The following CLMP variants were observed in gnomAD, a reference collection of about 807,000 sequenced individuals.
CLMP encodes the protein CXADR-like membrane protein.
A neutral mutation model predicts 45.2 loss-of-function variants in CLMP; 27 were observed. The observed-to-expected ratio is 0.60, with a 90% CI of 0.44 to 0.82. The LOEUF (loss-of-function observed/expected upper bound fraction) is 0.82. Among genes scored for constraint, CLMP ranks in the 40% least tolerant of loss-of-function variants. The pLI, the probability that CLMP is intolerant of heterozygous loss-of-function variation, is 0.00. For synonymous variants in CLMP, 167 were observed against 171.4 expected (o/e 0.97, Z 0.20); for missense variants, 403 against 448.4 (o/e 0.90, Z 0.91).
rs1163404252 is a variant in CLMP at position 123,136,231 on chromosome 11, G to C, written c.29-38279C>G. The C allele has an allele frequency of 1.5e-5, 10 of 649,528 alleles. No individual in the cohort carries two copies. In the African/African-American group the frequency reaches 1.8e-4, roughly 12 times the overall value. The allele number at this position is 649,528 out of a possible 1,614,324, so 40.2% of individuals were successfully genotyped here. On this transcript the variant is annotated intron_variant, in intron 1 of 6. Transcript: ENST00000448775. Reference sequence around the variant, plus strand: ...CAGGAACACCACCCATTACAATCTGGGTAGCTACTGCGTATTTTTCCACCA... The same window carrying C: ...CAGGAACACCACCCATTACAATCTGCGTAGCTACTGCGTATTTTTCCACCA...
intron 1 of CLMP, among the ~76,000 whole-genome samples, chr11:123,191,699 G>A (rs193282765): frequency 1.2e-3 from 185 of 152,334 alleles, no homozygotes; most frequent in African/African-American, 3.3e-3. Context: ...GGGTTATCCC[G>A]CAGTCAAAGG....
At chr11:123,185,712 T>C (rs1352816957) in intron 1 of CLMP, among the ~76,000 whole-genome samples, 4 of 152,138 alleles carry the variant, frequency 2.6e-5, no homozygotes, top group Non-Finnish European at 5.9e-5. Context: ...CAGGACTTCA[T>C]TCTGAGTGGG....
At chr11:123,167,246 C>T (rs1017338280) in intron 1 of CLMP, among the ~76,000 whole-genome samples, 41 of 152,258 alleles carry the variant, frequency 2.7e-4, no homozygotes, top group African/African-American at 8.2e-4. Context: ...GGTTTTGAAA[C>T]CTTGACACCA....
At chr11:123,111,874 C>T (rs1216957905) in intron 1 of CLMP, among the ~76,000 whole-genome samples, 1 of 152,142 alleles carries the variant, frequency 6.6e-6, no homozygotes, top group Non-Finnish European at 1.5e-5. Flanking sequence ...TTAACTTATT[C>T]CAACTGAAGC....
chr11:123,092,751 C>T (rs1347734547), intron 2 of CLMP, among the ~76,000 whole-genome samples: 1 of 151,792 alleles, frequency 6.6e-6, no homozygotes, highest in Admixed American at 6.6e-5. Context: ...GTGTGTGCCA[C>T]CATGCCCGGC....
chr11:123,150,524 G>GAAGC (rs1861315975), intron 1 of CLMP, among the ~76,000 whole-genome samples: 1 of 126,782 alleles, frequency 7.9e-6, no homozygotes, highest in Non-Finnish European at 1.6e-5. Flanking sequence ...AGGAAGGAAG[G>GAAGC]AAGGAAAGAA....
intron 1 of CLMP, among the ~76,000 whole-genome samples, chr11:123,125,168 G>A (rs1860871225): frequency 6.6e-6 from 1 of 152,192 alleles, no homozygotes; most frequent in Non-Finnish European, 1.5e-5. Context: ...ACAGTGCTGA[G>A]ATTAAGAGCA....
At chr11:123,118,999 TTCTC>T (rs1248549147) in intron 1 of CLMP, among the ~76,000 whole-genome samples, 14 of 14,142 alleles carry the variant, frequency 9.9e-4, no homozygotes, top group South Asian at 3.3e-3. Flanking sequence ...CTTTCTTTCT[TTCTC>T]TCTCTCTCTC....
At chr11:123,150,546 A>AG (rs1443864644) in intron 1 of CLMP, among the ~76,000 whole-genome samples, 13 of 142,984 alleles carry the variant, frequency 9.1e-5, no homozygotes, top group African/African-American at 3.5e-4. Flanking sequence ...CAAGCAAGGA[A>AG]GGAAGGAAGG....
At chr11:123,084,751 T>A (rs1865844732) in intron 2 of CLMP, 38 bp from the exon 3 acceptor site, 2 of 1,570,966 alleles carry the variant, frequency 1.3e-6, no homozygotes, top group East Asian at 2.2e-5. Flanking sequence ...GCAGCGTAAC[T>A]CTCAGCCTGC....
At chr11:123,085,025 T>G (rs1273985909) in intron 2 of CLMP, among the ~76,000 whole-genome samples, 1 of 152,136 alleles carries the variant, frequency 6.6e-6, no homozygotes. Context: ...ATACTGAAGT[T>G]CACACAGCTA....
Position 123,097,849 on chromosome 11 carries a change from T to C in CLMP, c.132A>G (p.Lys44=). 6.2e-7 allele frequency: 1 copy of C among 1,610,054 alleles called. No individual in the cohort carries two copies. The highest frequency in any genetic ancestry group is 1.3e-5 in the African/African-American group (1 of 74,924). ...GCAGCCATTCAATATCCAGAGTGTC[T>C]TTTTCTGGAAGCCCCAGTTGATGGT... ...PCHHQLGLPE[K]DTLDIEWLLT... is the part of the protein sequence containing the mutation. Residue 44 remains lysine, a synonymous_variant, in exon 2 of 7, where the codon AAA becomes AAG. Transcript: ENST00000448775.
intron 1 of CLMP, among the ~76,000 whole-genome samples, chr11:123,172,720 A>G (rs935900474): frequency 6.6e-6 from 1 of 151,708 alleles, no homozygotes; most frequent in Non-Finnish European, 1.5e-5. Flanking sequence ...TCTTGGGCTC[A>G]AGTGATCCAC....
At chr11:123,170,643 G>C (rs774324299) in intron 1 of CLMP, among the ~76,000 whole-genome samples, 1 of 152,084 alleles carries the variant, frequency 6.6e-6, no homozygotes, top group African/African-American at 2.4e-5. Flanking sequence ...GTTTCACCAT[G>C]TTGGCCAAGC....
intron 1 of CLMP, among the ~76,000 whole-genome samples, chr11:123,152,732 C>T (rs1034722217): frequency 2.6e-5 from 4 of 152,014 alleles, no homozygotes; most frequent in African/African-American, 9.7e-5. Context: ...GGAAAAAATA[C>T]ACCCCTCAAG....
chr11:123,118,965 CTTTCTTTCTTTCT>C (rs1860760936), intron 1 of CLMP, among the ~76,000 whole-genome samples: 2 of 41,022 alleles, frequency 4.9e-5, no homozygotes, highest in South Asian at 2.2e-3. Flanking sequence ...TTCTTTCTTT[CTTTCTTTCTTTCT>C]TTCTTTCTTT....
chr11:123,085,280 G>A (rs1463188945), intron 2 of CLMP, among the ~76,000 whole-genome samples: 1 of 149,728 alleles, frequency 6.7e-6, no homozygotes, highest in African/African-American at 2.5e-5. Context: ...AGACAGTCTC[G>A]CTCCGTCACC....
intron 1 of CLMP, chr11:123,136,327 C>A: frequency 1.6e-6 from 1 of 618,600 alleles, no homozygotes; most frequent in Non-Finnish European, 3.1e-6. Context: ...TTAAATCCAA[C>A]ACTTCGTAAG....
chr11:123,161,987 T>C (rs955482474), intron 1 of CLMP, among the ~76,000 whole-genome samples: 1 of 152,220 alleles, frequency 6.6e-6, no homozygotes, highest in Non-Finnish European at 1.5e-5. Flanking sequence ...AGAACCTTGA[T>C]GTGGAGCTAG....
Sources: allele counts gnomAD v4.1 joint callset (sites outside exome capture counted in the v4.1 genomes callset), GRCh38; gene constraint gnomAD v4.1.1; transcripts MANE v1.5; gene names NCBI Gene and HGNC (gene_info 2026-07-23, HGNC 2026-07-21).